CCNY: variants seen among roughly 807,000 people sequenced by gnomAD.
The protein encoded by CCNY is cyclin Y, also known as cyclin-Y.
Under a neutral mutation model 42.8 loss-of-function variants are expected in CCNY, and 19 were observed. That is an observed-to-expected ratio of 0.44 (90% CI 0.31 to 0.65). The LOEUF (loss-of-function observed/expected upper bound fraction) is 0.65. Ranked by LOEUF, CCNY falls within the 30% of genes least tolerant of loss-of-function variation. CCNY has a pLI of 0.07. For missense variants in CCNY, 370 were observed against 437.3 expected (o/e 0.85, Z 1.37); for synonymous variants, 165 against 162.7 (o/e 1.01, Z -0.11).
At chr10:35,320,098 C>G (rs1044551333) in intron 3 of CCNY, among the ~76,000 whole-genome samples, 3 of 152,130 alleles carry the variant, frequency 2.0e-5, no homozygotes, top group African/African-American at 4.8e-5. Context: ...CACACACAAA[C>G]TCATTCTAAA....
At position 35,472,457 on chromosome 10, in the gene CCNY, T is replaced by C. The variant is rs566945541; in HGVS notation, c.155-10947T>C. ...TGATGGGTTTTTCATTCTTTTTGTT[T>C]TCTCCTCTAGTACCTTATACCTTCA... On this transcript the variant is annotated intron_variant, in intron 1 of 9. Transcript: ENST00000374704. Among the ~76,000 whole-genome samples, 39 of 152,340 alleles carry C rather than the reference T, an allele frequency of 2.6e-4. No homozygotes were observed. In the South Asian group the frequency reaches 8.1e-3, roughly 32 times the overall value.
chr10:35,310,550 T>A (rs1165109736), intron 3 of CCNY, among the ~76,000 whole-genome samples: 1 of 152,192 alleles, frequency 6.6e-6, no homozygotes, highest in Non-Finnish European at 1.5e-5. Context: ...TTTCCCTGTA[T>A]CCTCACCAAG....
chr10:35,558,468 T>A (rs551811979), intron 8 of CCNY, among the ~76,000 whole-genome samples: 3 of 152,310 alleles, frequency 2.0e-5, no homozygotes, highest in African/African-American at 7.2e-5. Context: ...CAGCTTGAAG[T>A]CCAGAGTCCC....
At chr10:35,328,934 T>A (rs937305431) in intron 3 of CCNY, among the ~76,000 whole-genome samples, 13 of 152,244 alleles carry the variant, frequency 8.5e-5, no homozygotes, top group Non-Finnish European at 1.6e-4. Flanking sequence ...CAGAGCTTAC[T>A]TGGAGAAATG....
At chr10:35,564,773 TC>T (rs1739463208) in intron 8 of CCNY, among the ~76,000 whole-genome samples, 1 of 152,226 alleles carries the variant, frequency 6.6e-6, no homozygotes, top group African/African-American at 2.4e-5. Flanking sequence ...CTGGTTCCTC[TC>T]CGCCAGAGCT....
intron 3 of CCNY, among the ~76,000 whole-genome samples, chr10:35,508,759 A>G (rs1454073673): frequency 6.6e-6 from 1 of 152,198 alleles, no homozygotes; most frequent in Non-Finnish European, 1.5e-5. Flanking sequence ...TTTTATTGAT[A>G]CATAATTAAC....
intron 1 of CCNY, among the ~76,000 whole-genome samples, chr10:35,405,565 G>C (rs1837739983): frequency 6.6e-6 from 1 of 152,132 alleles, no homozygotes; most frequent in Non-Finnish European, 1.5e-5. Context: ...ACCAGAATTG[G>C]GGAGTTTTAA....
chr10:35,286,761 G>C lies in CCNY; in HGVS notation c.-9+36135G>C, dbSNP rs528241369. Among the ~76,000 whole-genome samples the C allele has an allele frequency of 2.7e-5, 4 of 150,192 alleles. No homozygotes were observed. In the Admixed American group the frequency reaches 2.7e-4, roughly 10 times the overall value. ...TGCAACCTCTGCCTTGTGGGTTCAA[G>C]AGATCTTCTCATCTCAGTCTCCTAA... On this transcript the variant is annotated intron_variant, in intron 3 of 11. Coordinates refer to the CCNY transcript ENST00000374706.
intron 1 of CCNY, among the ~76,000 whole-genome samples, chr10:35,431,401 CCT>C (rs1177072692): frequency 3.3e-4 from 1 of 3,060 alleles, no homozygotes; most frequent in African/African-American, 9.7e-4. Flanking sequence ...CCCCTCCCCT[CCT>C]CTCTCTCTCT....
In CCNY at chr10:35,464,646, GTAAC is replaced by G. The variant is rs575373925; in HGVS notation, c.155-18753_155-18750del. Among the ~76,000 whole-genome samples the G allele has an allele frequency of 4.6e-5, 7 of 151,692 alleles. No homozygotes were observed. In the South Asian group the frequency reaches 1.2e-3, roughly 27 times the overall value. ...TTCGCCTGCTCCCTTGTTAGCCTGG[GTAAC>G]TAACCCATTCTTCCTGGAGGCACTT... On this transcript the variant is annotated intron_variant, in intron 1 of 9. Transcript: ENST00000374704.
At chr10:35,253,146 A>G (rs909994264) in intron 3 of CCNY, among the ~76,000 whole-genome samples, 1 of 152,210 alleles carries the variant, frequency 6.6e-6, no homozygotes, top group Non-Finnish European at 1.5e-5. Context: ...AATATTTTTC[A>G]CATATGTACC....
chr10:35,363,678 C>T lies in CCNY; in HGVS notation c.154+26471C>T, dbSNP rs190623115. 4.0e-3 allele frequency among the ~76,000 whole-genome samples: 612 copies of T among 152,210 alleles called. 5 individuals carry two copies. Among genetic ancestry groups the T allele is most frequent in the African/African-American group, 0.014 (593 of 41,518 alleles). ...AGCAAGTCTGGTGTTGTCACTCCGCCCCACGACCTCCCCGAGACTGACACT... is the reference window on the plus strand; with the variant it reads ...AGCAAGTCTGGTGTTGTCACTCCGCTCCACGACCTCCCCGAGACTGACACT... On this transcript the variant is annotated intron_variant, in intron 1 of 9. Coordinates refer to ENST00000374704, the MANE Select transcript of CCNY (RefSeq NM_145012.6).
upstream of CCNY, among the ~76,000 whole-genome samples, chr10:35,332,020 AC>A (rs1835949808): frequency 6.6e-6 from 1 of 152,192 alleles, no homozygotes; most frequent in South Asian, 2.1e-4. Flanking sequence ...GAAATGAGTC[AC>A]CTGACTTGAT....
At position 35,262,649 on chromosome 10, in the gene CCNY, G is replaced by T. The variant is rs184051534; in HGVS notation, c.-9+12023G>T. 1.3e-3 allele frequency among the ~76,000 whole-genome samples: 199 copies of T among 152,070 alleles called. 1 individual carries two copies. The highest frequency in any genetic ancestry group is 9.4e-4 in the Non-Finnish European group (64 of 67,982). ...AGTGCTAGGATTACAGGGGTGAGTC[G>T]CCATGACTGGCCAGCATGAGTCAAT... On this transcript the variant is annotated intron_variant, in intron 3 of 11. Transcript: ENST00000374706.
intron 1 of CCNY, among the ~76,000 whole-genome samples, chr10:35,420,480 A>G (rs1412580933): frequency 6.6e-6 from 1 of 152,192 alleles, no homozygotes; most frequent in East Asian, 1.9e-4. Flanking sequence ...GTAGCTTTTC[A>G]GTGACTTTGC....
chr10:35,339,302 T>TA (rs1244498284), intron 1 of CCNY, among the ~76,000 whole-genome samples: 1 of 152,178 alleles, frequency 6.6e-6, no homozygotes, highest in Non-Finnish European at 1.5e-5. Context: ...GAGATGCAGG[T>TA]AGGCCTGAGA....
chr10:35,489,481 T>C (rs1279489910), intron 2 of CCNY, among the ~76,000 whole-genome samples: 1 of 152,098 alleles, frequency 6.6e-6, no homozygotes, highest in Non-Finnish European at 1.5e-5. Context: ...TTTGTATTTT[T>C]AGTAGAGATG....
At chr10:35,296,528 C>T (rs1179200592) in intron 3 of CCNY, among the ~76,000 whole-genome samples, 2 of 152,058 alleles carry the variant, frequency 1.3e-5, no homozygotes, top group African/African-American at 4.8e-5. Context: ...TTGCAGTGAG[C>T]CAAGATCACG....
intron 3 of CCNY, among the ~76,000 whole-genome samples, chr10:35,299,352 A>G (rs994062415): frequency 6.6e-6 from 1 of 152,240 alleles, no homozygotes; most frequent in East Asian, 1.9e-4. Flanking sequence ...TATCAATACA[A>G]GAGAAGGTGG....
Sources: gnomAD v4.1 joint callset for allele counts (sites outside exome capture counted in the v4.1 genomes callset) on GRCh38, gnomAD v4.1.1 for gene constraint, MANE v1.5 for transcripts, NCBI Gene and HGNC (gene_info 2026-07-23, HGNC 2026-07-21) for gene names.